C1QTNF3: variants seen among roughly 807,000 people sequenced by gnomAD.
C1QTNF3 encodes complement C1q tumor necrosis factor-related protein 3.
A neutral mutation model predicts 32.6 loss-of-function variants in C1QTNF3; 26 were observed. That is an observed-to-expected ratio of 0.80 (90% CI 0.58 to 1.11). The LOEUF (loss-of-function observed/expected upper bound fraction) is 1.11, where lower values mean the gene tolerates loss of function less well. Ranked by LOEUF, C1QTNF3 falls within the 50% of genes least tolerant of loss-of-function variation. The pLI, the probability that C1QTNF3 is intolerant of heterozygous loss-of-function variation, is 0.00. For missense variants in C1QTNF3, 362 were observed against 398.2 expected, an observed-to-expected ratio of 0.91 and a Z score of 0.77; for synonymous variants, 155 against 146.0, an observed-to-expected ratio of 1.06 and a Z score of -0.44.
chr5:34,053,854 TGTATCTA>T, the C1QTNF3 span, among the ~76,000 whole-genome samples: 1 of 152,176 alleles, frequency 6.6e-6, no homozygotes, highest in East Asian at 1.9e-4. Context: ...TGACATATTG[TGTATCTA>T]GTACAATGAG....
the C1QTNF3 span, among the ~76,000 whole-genome samples, chr5:34,087,657 T>G: frequency 6.8e-6 from 1 of 146,350 alleles, no homozygotes; most frequent in East Asian, 2.1e-4. Context: ...CAATCAGCCT[T>G]GACCTCTCCA....
At chr5:34,040,526 G>C (rs1437591901) in intron 1 of C1QTNF3, among the ~76,000 whole-genome samples, 1 of 152,064 alleles carries the variant, frequency 6.6e-6, no homozygotes, top group Middle Eastern at 3.2e-3. Flanking sequence ...CAGGAAAAAA[G>C]AGCCCAGGTC....
the C1QTNF3 span, among the ~76,000 whole-genome samples, chr5:34,236,447 T>C: frequency 6.6e-6 from 1 of 151,920 alleles, no homozygotes; most frequent in African/African-American, 2.4e-5. Context: ...TAAAACCTCA[T>C]TGTAAAATAA....
chr5:34,047,768 A>G (rs1199315515), upstream of C1QTNF3, among the ~76,000 whole-genome samples: 2 of 152,232 alleles, frequency 1.3e-5, no homozygotes, highest in African/African-American at 4.8e-5. Context: ...TTGGTTGTTT[A>G]TGACTTCATG....
the C1QTNF3 span, among the ~76,000 whole-genome samples, chr5:34,058,687 G>C: frequency 6.6e-6 from 1 of 152,140 alleles, no homozygotes; most frequent in Admixed American, 6.5e-5. Flanking sequence ...TTCTCTAGGA[G>C]TGGGTCAGGT....
At chr5:34,168,373 A>T in the C1QTNF3 span, 1 of 150,946 alleles carries the variant, frequency 6.6e-6, no homozygotes, top group African/African-American at 2.4e-5. Flanking sequence ...AATTTGCCAA[A>T]ATGGGATTAG....
At chr5:34,047,829 T>G (rs1404327082), upstream of C1QTNF3, among the ~76,000 whole-genome samples, 1 of 152,162 alleles carries the variant, frequency 6.6e-6, no homozygotes, top group African/African-American at 2.4e-5. Context: ...GAAGAAGAAG[T>G]TTTAAAAAGA....
the C1QTNF3 span, among the ~76,000 whole-genome samples, chr5:34,148,120 T>C: frequency 6.7e-6 from 1 of 149,872 alleles, no homozygotes; most frequent in Non-Finnish European, 1.5e-5. Flanking sequence ...ATCGGGTCAC[T>C]CCCACCCGAA....
the C1QTNF3 span, among the ~76,000 whole-genome samples, chr5:34,103,123 A>G: frequency 6.6e-6 from 1 of 152,146 alleles, no homozygotes; most frequent in African/African-American, 2.4e-5. Context: ...ATATTTCTGC[A>G]TTTAGTGGCA....
chr5:34,035,885 G>T, intron 1 of C1QTNF3, 127 bp from the exon 2 acceptor site: 3 of 678,908 alleles, frequency 4.4e-6, no homozygotes, highest in Non-Finnish European at 7.5e-6. Context: ...GATCACAAAA[G>T]ATGGGATGGG....
the C1QTNF3 span, chr5:34,157,992 G>C: frequency 2.6e-5 from 4 of 151,966 alleles, no homozygotes; most frequent in African/African-American, 9.7e-5. Context: ...TCCAGATTGT[G>C]AATGGACCTT....
chr5:34,207,067 T>C, the C1QTNF3 span, among the ~76,000 whole-genome samples: 11 of 152,074 alleles, frequency 7.2e-5, no homozygotes, highest in Admixed American at 7.2e-4. Flanking sequence ...AATGGCAAGG[T>C]ATGGGCCTCA....
At chr5:34,112,401 TATAA>T in the C1QTNF3 span, among the ~76,000 whole-genome samples, 1 of 151,692 alleles carries the variant, frequency 6.6e-6, no homozygotes, top group Non-Finnish European at 1.5e-5. Context: ...GGCTCATACC[TATAA>T]TCCCATCACA....
the C1QTNF3 span, among the ~76,000 whole-genome samples, chr5:34,114,455 A>C: frequency 1.3e-5 from 2 of 152,178 alleles, no homozygotes; most frequent in Non-Finnish European, 2.9e-5. Context: ...ATATGTACTT[A>C]TATCAAAGAT....
At chr5:34,130,834 G>A in the C1QTNF3 span, among the ~76,000 whole-genome samples, 2 of 152,178 alleles carry the variant, frequency 1.3e-5, no homozygotes, top group African/African-American at 4.8e-5. Context: ...CAGGGCACTG[G>A]CTCTCTCTAT....
chr5:34,225,322 C>G, the C1QTNF3 span, among the ~76,000 whole-genome samples: 1 of 151,952 alleles, frequency 6.6e-6, no homozygotes, highest in Admixed American at 6.6e-5. Context: ...AGAATCTGCA[C>G]TAACATTGTT....
the C1QTNF3 span, among the ~76,000 whole-genome samples, chr5:34,097,304 T>C: frequency 2.0e-5 from 3 of 152,152 alleles, no homozygotes; most frequent in Non-Finnish European, 4.4e-5. Context: ...TCATCATCAT[T>C]GTATCTGACA....
At chr5:34,178,154 G>A in the C1QTNF3 span, among the ~76,000 whole-genome samples, 2 of 147,852 alleles carry the variant, frequency 1.4e-5, no homozygotes, top group South Asian at 2.2e-4. Flanking sequence ...GGTGGTGCAT[G>A]CCTGTAATCC....
chr5:34,203,221 C>G, the C1QTNF3 span, among the ~76,000 whole-genome samples: 1 of 152,004 alleles, frequency 6.6e-6, no homozygotes, highest in Admixed American at 6.6e-5. Flanking sequence ...TCCACCAAAC[C>G]ACAAAGACAA....
Sources: allele counts gnomAD v4.1 joint callset (sites outside exome capture counted in the v4.1 genomes callset), GRCh38; gene constraint gnomAD v4.1.1; transcripts MANE v1.5; gene names NCBI Gene and HGNC (gene_info 2026-07-23, HGNC 2026-07-21).